Variants in EXOSC10 observed in about 807,000 individuals in gnomAD.
The protein encoded by EXOSC10 is exosome component 10.
Under a neutral mutation model 126.6 loss-of-function variants are expected in EXOSC10, and 94 were observed. The ratio of observed to expected loss-of-function variants is 0.74; its 90% CI spans 0.63 to 0.88. EXOSC10 has a LOEUF of 0.88. Ranked by LOEUF, EXOSC10 falls within the 40% of genes least tolerant of loss-of-function variation. The pLI, the probability that EXOSC10 is intolerant of heterozygous loss-of-function variation, is 0.00. For missense variants in EXOSC10, 1,041 were observed against 1,100.5 expected, an observed-to-expected ratio of 0.95 and a Z score of 0.77; for synonymous variants, 395 against 400.8, an observed-to-expected ratio of 0.99 and a Z score of 0.17.
chr1:11,098,293 A>G (rs1379171981), intron 1 of EXOSC10, 137 bp from the exon 2 acceptor site: 4 of 1,047,568 alleles, frequency 3.8e-6, no homozygotes, highest in Non-Finnish European at 5.2e-6. Flanking sequence ...CCAAACCCCA[A>G]TCTAATCTAG....
chr1:11,098,001 A>C lies in EXOSC10; in HGVS notation c.248+19T>G. The C allele has an allele frequency of 6.6e-7, 1 of 1,508,262 alleles. No homozygotes were observed. Among genetic ancestry groups the C allele is most frequent in the Non-Finnish European group, 8.8e-7 (1 of 1,131,208 alleles). 93.4% of individuals were successfully genotyped at this position (1,508,262 alleles called of 1,614,324 possible). A position where few individuals can be genotyped will look rare whatever the true frequency, so the allele number is the denominator to read the frequency against. On this transcript the variant is annotated intron_variant, in intron 2 of 24. Coordinates refer to ENST00000376936, the MANE Select transcript of EXOSC10 (RefSeq NM_001001998.3). ...TCATTTCTTTTCACTAACACAAGAA[A>C]ACAAAGTACAGTACTTACCACTGAA...
Position 11,098,109 on chromosome 1 carries a change from T to C in EXOSC10, c.159A>G (p.Leu53=). 6.2e-7 allele frequency: 1 copy of C among 1,613,190 alleles called. No homozygotes were observed. The highest frequency in any genetic ancestry group is 8.5e-7 in the Non-Finnish European group (1 of 1,179,780). Residue 53 remains leucine, a synonymous_variant, in exon 2 of 25, where the codon CTA becomes CTG. Transcript: ENST00000376936. ...AATCATACTCATCGCCAAACTGTGG[T>C]AGGCCCCCAGATGCCTTGGTGACTG... The part of the protein sequence containing the change: ...VVAVTKASGG[L]PQFGDEYDFY...
Position 11,069,739 on chromosome 1 carries a change from C to A in EXOSC10, c.2317-9G>T. ...TTTGCAGCATTTTCTAGCTGTAGAT[C>A]AGGAACAGATGTGGGGGAGGAACAG... On this transcript the variant is annotated splice_polypyrimidine_tract_variant and intron_variant, in intron 21 of 24. Coordinates refer to ENST00000376936, the MANE Select transcript of EXOSC10 (RefSeq NM_001001998.3). The A allele has an allele frequency of 6.2e-7, 1 of 1,602,212 alleles. No individual in the cohort carries two copies. Among genetic ancestry groups the A allele is most frequent in the Non-Finnish European group, 8.5e-7 (1 of 1,173,270 alleles).
rs779835357 is a variant in EXOSC10, at chr1:11,087,502, A to G, written c.1035T>C (p.Leu345=). ...TEDFIIDTLE[L]RSDMYILNES... Reference sequence around the variant, plus strand: ...CATTGAGAATGTACATGTCACTTCGAAGCTCGAGGGTGTCAATGATGAAGT... The same window carrying G: ...CATTGAGAATGTACATGTCACTTCGGAGCTCGAGGGTGTCAATGATGAAGT... The change falls in exon 9 of 25, where the codon CTT becomes CTC. Residue 345 remains leucine, a synonymous_variant. Transcript: ENST00000376936. The G allele has an allele frequency of 1.2e-6, 2 of 1,613,990 alleles. No individual in the cohort carries two copies. The highest frequency in any genetic ancestry group is 1.7e-6 in the Non-Finnish European group (2 of 1,180,012).
intron 9 of EXOSC10, among the ~76,000 whole-genome samples, chr1:11,083,562 C>CA (rs35412224): frequency 0.01 from 683 of 65,428 alleles, 10 homozygotes; most frequent in Middle Eastern, 0.032. Context: ...AACTCCGTCT[C>CA]AAAAAAAAAA....
At chr1:11,098,534 G>A (rs2100249081) in intron 1 of EXOSC10, among the ~76,000 whole-genome samples, 1 of 152,324 alleles carries the variant, frequency 6.6e-6, no homozygotes, top group Non-Finnish European at 1.5e-5. Flanking sequence ...GCACCACAGA[G>A]TTTTTGTGAG....
chr1:11,066,688 C>G lies in EXOSC10; in HGVS notation c.*30G>C. 6.2e-7 allele frequency: 1 copy of G among 1,613,246 alleles called. No homozygotes were observed. Among genetic ancestry groups the G allele is most frequent in the Non-Finnish European group, 8.5e-7 (1 of 1,179,182 alleles). On this transcript the variant is annotated 3_prime_UTR_variant, in exon 25 of 25. Transcript: ENST00000376936. ...AAGCAGCACCAGCATTTGGTGCTTC[C>G]GGTCCACAGGCGCCACGTGTCTTCC...
chr1:11,084,297 C>T (rs1222393693), intron 9 of EXOSC10, among the ~76,000 whole-genome samples: 1 of 152,152 alleles, frequency 6.6e-6, no homozygotes, highest in Non-Finnish European at 1.5e-5. Context: ...CTGTTGTTTC[C>T]TGACTTTTTA....
At position 11,095,835 on chromosome 1, in the gene EXOSC10, C is replaced by T. The variant is rs1447329270; in HGVS notation, c.295G>A (p.Asp99Asn). The T allele has an allele frequency of 1.2e-6, 2 of 1,613,986 alleles. No individual in the cohort carries two copies. Among genetic ancestry groups the T allele is most frequent in the Admixed American group, 3.3e-5 (2 of 59,998 alleles). The change falls in exon 3 of 25, where the codon GAT (aspartate) becomes AAT (asparagine). Residue 99 changes from aspartate (D) to asparagine (N), a missense_variant. By Grantham distance (23) the Asp-to-Asn change is conservative. Transcript: ENST00000376936. ...TCCAGCTCAGTCACTTTACTTCGATCCTTAATGTTGCTGCGACACCCATGG... is the reference window on the plus strand; with the variant it reads ...TCCAGCTCAGTCACTTTACTTCGATTCTTAATGTTGCTGCGACACCCATGG... ...QYHGCRSNIK[D>N]RSKVTELEDK...
Position 11,072,162 on chromosome 1 carries a change from G to A in EXOSC10, c.2167C>T (p.Arg723Cys), listed in dbSNP as rs1365749990. 5.6e-6 allele frequency: 9 copies of A among 1,611,512 alleles called. No individual in the cohort carries two copies. The highest frequency in any genetic ancestry group is 1.7e-5 in the Admixed American group (1 of 59,510). The change falls in exon 20 of 25, where the codon CGC becomes TGC. Residue 723 changes from arginine (R) to cysteine (C), a missense_variant. By Grantham distance (180) the Arg-to-Cys change is radical (BLOSUM62 -3). This residue lies in a region of EXOSC10 where 388 missense variants were observed against 415.2 expected (regional missense o/e 0.93). Transcript: ENST00000376936. Reference protein sequence around the residue: ...PSTKIYEISNRWKLAQVQVQK... With the variant: ...PSTKIYEISNCWKLAQVQVQK... ...ACTTGTACCTGGGCCAGCTTCCAGC[G>A]GTTGCTGATCTATAATGAAAGCAAA...
rs146028725 is a variant in EXOSC10 at position 11,069,227 on chromosome 1, C to CTGTGTGTGTGTGTGTGTGTG, written c.2488+331_2488+332insCACACACACACACACACACA. 6.2e-4 allele frequency among the ~76,000 whole-genome samples: 84 copies of CTGTGTGTGTGTGTGTGTGTG among 135,344 alleles called. 1 individual carries two copies. The highest frequency in any genetic ancestry group is 1.6e-3 in the African/African-American group (61 of 38,666). The allele number at this position is 135,344 out of a possible 152,430, so 88.8% of individuals were successfully genotyped here. ...TTGAGATTTTTCAACAAACAAAATT[C>CTGTGTGTGTGTGTGTGTGTG]TGTGTGTGTGTGTGTGTGAGAGAGA... On this transcript the variant is annotated intron_variant, in intron 22 of 24. Coordinates refer to ENST00000376936, the MANE Select transcript of EXOSC10 (RefSeq NM_001001998.3).
rs140844627 is a variant in EXOSC10, at chr1:11,074,000, G to C, written c.2091C>G (p.Pro697=). 9.3e-6 allele frequency: 15 copies of C among 1,613,894 alleles called. No homozygotes were observed. The African/African-American group carries it at 1.9e-4, about 20-fold the overall frequency. ...SFENPFRMFL[P]SLGHRAPVSQ... ...AGACGGGAGCACGGTGTCCCAGTGAGGGCAGAAACTGGAGGAAGGAAATGG... is the reference window on the plus strand; with the variant it reads ...AGACGGGAGCACGGTGTCCCAGTGACGGCAGAAACTGGAGGAAGGAAATGG... The change falls in exon 19 of 25, where the codon CCC becomes CCG. Residue 697 remains proline, a synonymous_variant. Coordinates refer to ENST00000376936, the MANE Select transcript of EXOSC10 (RefSeq NM_001001998.3).
At chr1:11,079,549 C>G (rs190345277) in intron 14 of EXOSC10, among the ~76,000 whole-genome samples, 162 bp downstream of exon 14, 3 of 151,282 alleles carry the variant, frequency 2.0e-5, no homozygotes, top group Admixed American at 6.6e-5. Flanking sequence ...GTGCACCACA[C>G]GCCTGGCTAA....
At position 11,087,445 on chromosome 1, in the gene EXOSC10, G is replaced by A. The variant is rs750080566; in HGVS notation, c.1089+3C>T. 2 of 1,614,062 alleles carry A rather than the reference G, an allele frequency of 1.2e-6. No homozygotes were observed. Among genetic ancestry groups the A allele is most frequent in the South Asian group, 1.1e-5 (1 of 91,066 alleles). On this transcript the variant is annotated splice_donor_region_variant and intron_variant, in intron 9 of 24. Coordinates refer to ENST00000376936, the MANE Select transcript of EXOSC10 (RefSeq NM_001001998.3). ...ATGCATGAGTTACAAAAGGCTGGCT[G>A]ACCTTAACGATGGCTGGGTCTGTGA...
At chr1:11,070,745 G>A (rs1639434050) in intron 21 of EXOSC10, 155 bp downstream of exon 21, 2 of 647,512 alleles carry the variant, frequency 3.1e-6, no homozygotes, top group South Asian at 3.9e-5. Flanking sequence ...TTTCGGAAAT[G>A]AGGTAGACAC....
chr1:11,073,839 CTG>C, intron 19 of EXOSC10, 93 bp downstream of exon 19: 2 of 931,640 alleles, frequency 2.1e-6, no homozygotes, highest in South Asian at 3.1e-5. Context: ...GATTGTGCCT[CTG>C]CACTCCAGCC....
In EXOSC10 at chr1:11,070,070, A is replaced by C. The variant is rs182570794; in HGVS notation, c.2317-340T>G. Reference sequence around the variant, plus strand: ...AACATAGCAAGACCCCTATCTCTACAAAAAAAAAGAAACAAATGTAGCTGG... The same window carrying C: ...AACATAGCAAGACCCCTATCTCTACCAAAAAAAAGAAACAAATGTAGCTGG... On this transcript the variant is annotated intron_variant, in intron 21 of 24. Transcript: ENST00000376936. Among the ~76,000 whole-genome samples the C allele has an allele frequency of 1.6e-3, 247 of 150,818 alleles. 2 individuals are homozygous for C. Among genetic ancestry groups the C allele is most frequent in the African/African-American group, 5.6e-3 (228 of 41,068 alleles).
chr1:11,090,573 G>C lies in EXOSC10; in HGVS notation c.739C>G (p.Gln247Glu). Residue 247 changes from glutamine to glutamate, a missense_variant, in exon 6 of 25, where the codon CAG becomes GAG. Around this residue, in one of 3 missense-constraint regions of EXOSC10, gnomAD observed 645 missense variants for 656.3 expected, o/e 0.98. Transcript: ENST00000376936. ...LADFIHQQRT[Q>E]QVEQDMFAHP... ...ACTTACATGTCTTGCTCAACCTGCTGGGTTCTCTGCTGATGGATGAAATCA... is the reference window on the plus strand; with the variant it reads ...ACTTACATGTCTTGCTCAACCTGCTCGGTTCTCTGCTGATGGATGAAATCA... 1 of 1,614,066 alleles carries C rather than the reference G, an allele frequency of 6.2e-7. No homozygotes were observed. Among genetic ancestry groups the C allele is most frequent in the Non-Finnish European group, 8.5e-7 (1 of 1,179,966 alleles).
intron 9 of EXOSC10, 81 bp downstream of exon 9, chr1:11,087,367 T>C (rs1640552284): frequency 1.3e-6 from 2 of 1,532,520 alleles, no homozygotes; most frequent in Admixed American, 3.4e-5. Flanking sequence ...TGGTCTAGGT[T>C]GAAATAATGA....
Sources: gnomAD v4.1 joint callset for allele counts (sites outside exome capture counted in the v4.1 genomes callset) on GRCh38, gnomAD v4.1.1 for gene constraint, gnomAD v4.1.1 regional missense constraint, MANE v1.5 for transcripts, NCBI Gene and HGNC (gene_info 2026-07-23, HGNC 2026-07-21) for gene names.